The following SLC9A6 variants were observed in gnomAD, a reference collection of about 807,000 sequenced individuals.
The protein encoded by SLC9A6 is solute carrier family 9 member A6.
In SLC9A6, 6 loss-of-function variants were observed where a neutral mutation model predicts 45.3. The ratio of observed to expected loss-of-function variants is 0.13; its 90% CI spans 0.07 to 0.26. The LOEUF (loss-of-function observed/expected upper bound fraction) is 0.26, where lower values mean the gene tolerates loss of function less well. SLC9A6 is among the 10% of genes least tolerant of loss of function. The pLI, the probability that SLC9A6 is intolerant of heterozygous loss-of-function variation, is 1.00. For missense variants in SLC9A6, 278 were observed against 503.7 expected (o/e 0.55, Z 4.29); for synonymous variants, 191 against 187.7 (o/e 1.02, Z -0.14).
rs1556623140 is a variant in SLC9A6, at chrX:136,044,263, G to A, written c.1768-189G>A. Among the ~76,000 whole-genome samples, 6 of 111,172 alleles carry A rather than the reference G, an allele frequency of 5.4e-5. No homozygotes were observed. In the South Asian group the frequency reaches 1.5e-3, roughly 29 times the overall value. ...GCCTTTGGTGTGGGAGGGGCAGATT[G>A]TAGCAGGAGAGGAACTAAGGATGCC... On this transcript the variant is annotated intron_variant, in intron 17 of 17. Coordinates refer to ENST00000630721, the MANE Select transcript of SLC9A6 (RefSeq NM_001379110.1).
At chrX:136,020,331 T>C (rs782036900) in intron 11 of SLC9A6, among the ~76,000 whole-genome samples, 6 of 109,992 alleles carry the variant, frequency 5.5e-5, no homozygotes, top group Non-Finnish European at 9.4e-5. Flanking sequence ...TTTATTGTTT[T>C]ATTCAGTCAT....
At chrX:136,013,232 G>GT (rs2070956836) in intron 9 of SLC9A6, 117 bp from the exon 10 acceptor site, 1 of 763,818 alleles carries the variant, frequency 1.3e-6, no homozygotes, top group Non-Finnish European at 2.0e-6. Flanking sequence ...TCTTAACAAA[G>GT]TAAGTCACAA....
At position 136,024,278 on chromosome X, in the gene SLC9A6, G is replaced by A. The variant is rs111642107; in HGVS notation, c.1307-52G>A. ...TGCTTTCTTGCTCTGAATTTATGAAGCTTGCATTGGTAATGAGTTATTGAA... is the reference window on the plus strand; with the variant it reads ...TGCTTTCTTGCTCTGAATTTATGAAACTTGCATTGGTAATGAGTTATTGAA... On this transcript the variant is annotated intron_variant, in intron 12 of 17. Transcript: ENST00000630721. 15 of 1,166,229 alleles carry A rather than the reference G, an allele frequency of 1.3e-5. 2 individuals carry two copies. In the African/African-American group the frequency reaches 1.4e-4, roughly 11 times the overall value.
chrX:135,996,999 T>C (rs781966638), intron 3 of SLC9A6, among the ~76,000 whole-genome samples: 312 of 111,000 alleles, frequency 2.8e-3, no homozygotes, highest in South Asian at 0.019. Flanking sequence ...ATCTCCTGAC[T>C]TTGTGATCCG....
Position 136,045,053 on chromosome X carries a change from C to A in SLC9A6, c.*329C>A. On this transcript the variant is annotated 3_prime_UTR_variant, in exon 18 of 18. Coordinates refer to ENST00000630721, the MANE Select transcript of SLC9A6 (RefSeq NM_001379110.1). ...TTCTTAAACTTACCTGACACTTAAC[C>A]AGAGTACCAGTTCTCGTGATGTGAA... 4.6e-6 allele frequency: 1 copy of A among 215,556 alleles called. No individual in the cohort carries two copies. The highest frequency in any genetic ancestry group is 1.0e-4 in the East Asian group (1 of 10,033). The allele number at this position is 215,556 out of a possible 1,213,427, so 17.8% of individuals were successfully genotyped here.
intron 12 of SLC9A6, 140 bp from the exon 13 acceptor site, chrX:136,024,190 A>G (rs2148189657): frequency 1.6e-6 from 1 of 620,315 alleles, no homozygotes; most frequent in South Asian, 2.4e-5. Flanking sequence ...CACAGCCTGG[A>G]CATATTTAAG....
chrX:135,974,664 A>G (rs924080263), exon 1 of SLC9A6: 3 of 339,432 alleles, frequency 8.8e-6, no homozygotes, highest in Non-Finnish European at 1.2e-5. Flanking sequence ...GCTCCCTGGA[A>G]ACTGGCACTG....
intron 3 of SLC9A6, among the ~76,000 whole-genome samples, chrX:135,996,221 G>A (rs947922625): frequency 8.4e-5 from 9 of 107,364 alleles, no homozygotes; most frequent in Non-Finnish European, 9.6e-5. Context: ...TAGTAGAGTT[G>A]GGGTTTCACC....
rs1178214233 is a variant in SLC9A6 at position 136,047,121 on chromosome X, C to T, written c.*2397C>T. On this transcript the variant is annotated 3_prime_UTR_variant, in exon 18 of 18. Coordinates refer to ENST00000630721, the MANE Select transcript of SLC9A6 (RefSeq NM_001379110.1). Reference sequence around the variant, plus strand: ...TGTCATTAAAAAAGTTATAGCCTTGCAAATAACCACTCACAGTATTTGAGT... The same window carrying T: ...TGTCATTAAAAAAGTTATAGCCTTGTAAATAACCACTCACAGTATTTGAGT... 1 of 112,403 alleles carries T rather than the reference C, an allele frequency of 8.9e-6. No homozygotes were observed. Among genetic ancestry groups the T allele is most frequent in the Non-Finnish European group, 1.9e-5 (1 of 53,266 alleles). The allele number at this position is 112,403 out of a possible 1,213,427, so 9.3% of individuals were successfully genotyped here. A position where few individuals can be genotyped will look rare whatever the true frequency, so the allele number is the denominator to read the frequency against.
chrX:135,987,149 A>G (rs1052220708), intron 2 of SLC9A6, among the ~76,000 whole-genome samples: 1 of 112,189 alleles, frequency 8.9e-6, no homozygotes, highest in African/African-American at 3.2e-5. Flanking sequence ...GCCTGCGTGT[A>G]AAATATCTCT....
intron 7 of SLC9A6, among the ~76,000 whole-genome samples, chrX:136,002,938 A>T (rs1244252065): frequency 9.2e-6 from 1 of 108,571 alleles, no homozygotes; most frequent in Non-Finnish European, 1.9e-5. Context: ...GAAAATTCAC[A>T]CTCTTACATC....
upstream of SLC9A6, chrX:135,985,372 T>C: frequency 2.5e-6 from 1 of 393,838 alleles, no homozygotes; most frequent in Non-Finnish European, 3.9e-6. Context: ...CCGCGGCCCC[T>C]TTAAGAGCGG....
At chrX:135,980,237 G>A (rs1332175367), upstream of SLC9A6, among the ~76,000 whole-genome samples, 4 of 108,088 alleles carry the variant, frequency 3.7e-5, no homozygotes, top group African/African-American at 6.8e-5. Context: ...TTTTTAAGAC[G>A]GAGTCTCACT....
At chrX:135,986,208 C>G (rs782634295) in intron 2 of SLC9A6, among the ~76,000 whole-genome samples, 2 of 110,383 alleles carry the variant, frequency 1.8e-5, no homozygotes, top group African/African-American at 6.6e-5. Context: ...ATCCATTTCT[C>G]TGGGGTGTCA....
intron 13 of SLC9A6, among the ~76,000 whole-genome samples, chrX:136,027,452 T>C (rs1266362179): frequency 4.5e-5 from 5 of 111,616 alleles, no homozygotes; most frequent in African/African-American, 1.6e-4. Context: ...AAAACTCTCA[T>C]GGCCGGAGTA....
chrX:136,030,508 G>A, intron 15 of SLC9A6: 1 of 241,212 alleles, frequency 4.1e-6, no homozygotes, highest in Non-Finnish European at 7.5e-6. Flanking sequence ...GCGCATGAAG[G>A]CTTGTCTCTG....
intron 3 of SLC9A6, 35 bp downstream of exon 3, chrX:135,995,020 G>C: frequency 1.0e-6 from 1 of 955,096 alleles, no homozygotes; most frequent in Non-Finnish European, 1.5e-6. Flanking sequence ...AATCTTTTTT[G>C]TGTCTAACTA....
chrX:136,033,779 C>G (rs782404896), intron 16 of SLC9A6, among the ~76,000 whole-genome samples: 18 of 111,721 alleles, frequency 1.6e-4, no homozygotes, highest in Non-Finnish European at 3.0e-4. Flanking sequence ...ATTGAGCAAA[C>G]TTTAATATTT....
chrX:136,038,848 C>G (rs2071457556), intron 16 of SLC9A6, among the ~76,000 whole-genome samples: 1 of 109,104 alleles, frequency 9.2e-6, no homozygotes, highest in Admixed American at 9.9e-5. Context: ...CAGTACTACC[C>G]ATTCAGTACC....
Sources: allele counts gnomAD v4.1 joint callset (sites outside exome capture counted in the v4.1 genomes callset), GRCh38; gene constraint gnomAD v4.1.1; transcripts MANE v1.5; gene names NCBI Gene and HGNC (gene_info 2026-07-23, HGNC 2026-07-21).